The following CPNE8 variants were observed in gnomAD, a reference collection of about 807,000 sequenced individuals.
The protein encoded by CPNE8 is copine 8.
In CPNE8, 45 loss-of-function variants were observed where a neutral mutation model predicts 81.5. The ratio of observed to expected loss-of-function variants is 0.55; its 90% confidence interval spans 0.44 to 0.71. CPNE8 has a LOEUF of 0.71. Among genes scored for constraint, CPNE8 ranks in the 30% least tolerant of loss-of-function variants. The pLI, the probability that CPNE8 is intolerant of heterozygous loss-of-function variation, is 0.00. For missense variants in CPNE8, 594 were observed against 672.1 expected (o/e 0.88, Z 1.28); for synonymous variants, 252 against 226.3 (o/e 1.11, Z -1.02).
chr12:38,695,802 G>A, intron 14 of CPNE8, among the ~76,000 whole-genome samples: 1 of 152,080 alleles, frequency 6.6e-6, no homozygotes, highest in Non-Finnish European at 1.5e-5. Context: ...AGCTGGGTGT[G>A]GTGGCATGTG....
chr12:38,781,321 T>A (rs1462973700), intron 6 of CPNE8, among the ~76,000 whole-genome samples: 1 of 151,966 alleles, frequency 6.6e-6, no homozygotes, highest in Non-Finnish European at 1.5e-5. Flanking sequence ...TAAATGTAAA[T>A]GAACTAAATG....
At chr12:38,793,745 C>A (rs1462301352) in intron 6 of CPNE8, among the ~76,000 whole-genome samples, 1 of 151,830 alleles carries the variant, frequency 6.6e-6, no homozygotes. Context: ...TATAGAACCT[C>A]GAGGGACTCC....
intron 19 of CPNE8, among the ~76,000 whole-genome samples, chr12:38,654,590 T>A (rs1938777604): frequency 6.6e-6 from 1 of 152,008 alleles, no homozygotes; most frequent in Non-Finnish European, 1.5e-5. Flanking sequence ...ATATGCTTTA[T>A]CTCAAAAGGA....
chr12:38,710,600 G>T (rs768618679), intron 13 of CPNE8, among the ~76,000 whole-genome samples: 1 of 152,126 alleles, frequency 6.6e-6, no homozygotes, highest in Non-Finnish European at 1.5e-5. Flanking sequence ...GACAAATTTC[G>T]TGAGCAACCC....
At chr12:38,871,305 C>A (rs1943988485) in intron 3 of CPNE8, among the ~76,000 whole-genome samples, 1 of 152,166 alleles carries the variant, frequency 6.6e-6, no homozygotes, top group Admixed American at 6.5e-5. Context: ...GGCCCAGATG[C>A]CTGGTACTAT....
intron 16 of CPNE8, among the ~76,000 whole-genome samples, chr12:38,680,076 T>A (rs1939377444): frequency 6.6e-6 from 1 of 151,942 alleles, no homozygotes; most frequent in Non-Finnish European, 1.5e-5. Flanking sequence ...ATTTATATCT[T>A]AATATTACTA....
intron 6 of CPNE8, among the ~76,000 whole-genome samples, chr12:38,823,471 C>T (rs1943138922): frequency 1.3e-5 from 2 of 152,180 alleles, no homozygotes; most frequent in Non-Finnish European, 2.9e-5. Flanking sequence ...GCCTAGATCA[C>T]AAAGTGCTTT....
At chr12:38,779,604 T>C (rs1318025659) in intron 6 of CPNE8, among the ~76,000 whole-genome samples, 4 of 152,160 alleles carry the variant, frequency 2.6e-5, no homozygotes, top group Non-Finnish European at 5.9e-5. Flanking sequence ...AACCAAGAAT[T>C]ACATTTAATT....
intron 6 of CPNE8, among the ~76,000 whole-genome samples, chr12:38,807,105 C>A (rs937800783): frequency 1.3e-5 from 2 of 151,954 alleles, no homozygotes; most frequent in African/African-American, 4.8e-5. Context: ...TAAAAGAGGA[C>A]ACAAACAAAT....
intron 10 of CPNE8, among the ~76,000 whole-genome samples, chr12:38,743,477 CA>C (rs1041320929): frequency 1.3e-5 from 2 of 151,814 alleles, no homozygotes; most frequent in Middle Eastern, 3.4e-3. Flanking sequence ...TCTTATGCCA[CA>C]AAAAAAGTAT....
intron 6 of CPNE8, among the ~76,000 whole-genome samples, chr12:38,796,069 T>C (rs886806722): frequency 3.9e-5 from 6 of 152,184 alleles, no homozygotes; most frequent in African/African-American, 1.2e-4. Flanking sequence ...GAGACCAGCC[T>C]GGTCAACATG....
chr12:38,685,539 G>T lies in CPNE8; in HGVS notation c.1222C>A (p.Gln408Lys). The change falls in exon 16 of 20, where the codon CAA becomes AAA. Residue 408 changes from glutamine to lysine, a missense_variant. Coordinates refer to ENST00000331366, the MANE Select transcript of CPNE8 (RefSeq NM_153634.3). ...EAYYRSLKSV[Q>K]LYGPTNFAPV... ...GCAAAGTTGGTGGGCCCATATAGTT[G>T]TACAGATTTCAGACTCCTGTAATAA... is the stretch of plus-strand genomic sequence containing the variant. 2 of 1,613,466 alleles carry T rather than the reference G, an allele frequency of 1.2e-6. No individual in the cohort carries two copies. Among genetic ancestry groups the T allele is most frequent in the Admixed American group, 1.7e-5 (1 of 60,000 alleles).
intron 6 of CPNE8, among the ~76,000 whole-genome samples, chr12:38,801,568 G>C (rs1371397201): frequency 6.3e-4 from 2 of 3,150 alleles, no homozygotes; most frequent in Non-Finnish European, 1.3e-3. Flanking sequence ...AAAATGTAAA[G>C]ACCATCGAGA....
chr12:38,881,553 G>A (rs1490544694), intron 1 of CPNE8, among the ~76,000 whole-genome samples: 2 of 152,294 alleles, frequency 1.3e-5, no homozygotes, highest in East Asian at 1.9e-4. Flanking sequence ...TATTACTACT[G>A]TTAAGCTGAA....
At chr12:38,729,498 A>G (rs927531319) in intron 11 of CPNE8, among the ~76,000 whole-genome samples, 3 of 152,080 alleles carry the variant, frequency 2.0e-5, no homozygotes, top group African/African-American at 7.2e-5. Context: ...AACATAAAAT[A>G]TAGAAACTAC....
intron 18 of CPNE8, among the ~76,000 whole-genome samples, chr12:38,674,963 G>T (rs2136647553): frequency 6.6e-6 from 1 of 152,164 alleles, no homozygotes; most frequent in East Asian, 1.9e-4. Context: ...CCTGAACCAG[G>T]TGAATATTAT....
chr12:38,661,131 T>G (rs923794513), intron 19 of CPNE8, among the ~76,000 whole-genome samples: 5 of 152,182 alleles, frequency 3.3e-5, no homozygotes, highest in African/African-American at 1.2e-4. Context: ...GGATTATAAA[T>G]CATGCTACTA....
chr12:38,871,937 A>G (rs1269550858), intron 3 of CPNE8, among the ~76,000 whole-genome samples: 1 of 152,132 alleles, frequency 6.6e-6, no homozygotes, highest in Non-Finnish European at 1.5e-5. Flanking sequence ...GGAGTTTGAG[A>G]CTAGCCTGAC....
chr12:38,856,108 A>C (rs1943729396), intron 3 of CPNE8, among the ~76,000 whole-genome samples: 1 of 152,056 alleles, frequency 6.6e-6, no homozygotes. Flanking sequence ...AGAAATGGAT[A>C]AATTCTTAGA....
Sources: allele counts gnomAD v4.1 joint callset (sites outside exome capture counted in the v4.1 genomes callset), GRCh38; gene constraint gnomAD v4.1.1; transcripts MANE v1.5; gene names NCBI Gene and HGNC (gene_info 2026-07-23, HGNC 2026-07-21).